Variants in TMEM91 observed in about 807,000 individuals in gnomAD.
TMEM91 encodes transmembrane protein 91.
TMEM91 carries 6 observed loss-of-function variants against 13.3 expected under a neutral mutation model. That is an observed-to-expected ratio of 0.45 (90% CI 0.25 to 0.89). TMEM91 has a LOEUF of 0.89. Among genes scored for constraint, TMEM91 ranks in the 40% least tolerant of loss-of-function variants. The probability of loss-of-function intolerance (pLI) is 0.19; values close to 1 mark genes in which losing one functional copy is unlikely to be tolerated. For missense variants in TMEM91, 193 were observed against 228.7 expected (o/e 0.84, Z 1.01); for synonymous variants, 87 against 101.7 (o/e 0.86, Z 0.87).
chr19:41,377,938 C>T lies in TMEM91; in HGVS notation c.-29-343C>T, dbSNP rs567225670. ...AGGCTGAGGCAGAATGGTTTGAACC[C>T]GGGAGGTGGAGGCTGCAGTGTGCTG... On this transcript the variant is annotated intron_variant, in intron 1 of 3. Transcript: ENST00000392002. Among the ~76,000 whole-genome samples, 32 of 149,140 alleles carry T rather than the reference C, an allele frequency of 2.1e-4. 1 individual carries two copies. Among genetic ancestry groups the T allele is most frequent in the East Asian group, 6.0e-4 (3 of 4,980 alleles).
At chr19:41,364,991 T>C (rs1347670055) in intron 1 of TMEM91, among the ~76,000 whole-genome samples, 1 of 151,510 alleles carries the variant, frequency 6.6e-6, no homozygotes, top group Non-Finnish European at 1.5e-5. Context: ...TCCTCCTACC[T>C]CAGCCTCCCA....
rs1599934711 is a variant in TMEM91 at position 41,383,468 on chromosome 19, G to C, written c.361-247G>C. On this transcript the variant is annotated intron_variant, in intron 3 of 3. Transcript: ENST00000392002. Reference sequence around the variant, plus strand: ...TGTGAGAATCAAATGAGTTAGAATAGTGGCATATACCATTTTAATGTTTTT... The same window carrying C: ...TGTGAGAATCAAATGAGTTAGAATACTGGCATATACCATTTTAATGTTTTT... The C allele has an allele frequency of 7.5e-6, 10 of 1,328,132 alleles. No individual in the cohort carries two copies. The South Asian group carries it at 1.9e-4, about 25-fold the overall frequency. 82.3% of individuals were successfully genotyped at this position (1,328,132 alleles called of 1,614,324 possible).
upstream of TMEM91, among the ~76,000 whole-genome samples, chr19:41,373,363 T>G (rs1022548787): frequency 1.3e-5 from 2 of 151,760 alleles, no homozygotes; most frequent in African/African-American, 4.8e-5. Flanking sequence ...TAGGATGGCC[T>G]AGAGGGATGA....
intron 1 of TMEM91, among the ~76,000 whole-genome samples, chr19:41,365,462 T>C (rs1053073980): frequency 1.3e-5 from 2 of 152,124 alleles, no homozygotes; most frequent in Admixed American, 6.5e-5. Flanking sequence ...TGGAGTGCAG[T>C]GGTGCGATCC....
upstream of TMEM91, among the ~76,000 whole-genome samples, chr19:41,372,592 G>A (rs2038642014): frequency 6.6e-6 from 1 of 152,068 alleles, no homozygotes; most frequent in East Asian, 1.9e-4. Flanking sequence ...TTTGTAGAGT[G>A]TCCCTCATTT....
chr19:41,368,517 C>G (rs1237980736), intron 1 of TMEM91, among the ~76,000 whole-genome samples: 1 of 151,696 alleles, frequency 6.6e-6, no homozygotes, highest in Non-Finnish European at 1.5e-5. Flanking sequence ...TCAAGCAATT[C>G]TCCTGCCTCA....
At chr19:41,368,980 G>GTGGC (rs1741804253) in intron 1 of TMEM91, among the ~76,000 whole-genome samples, 1 of 151,954 alleles carries the variant, frequency 6.6e-6, no homozygotes, top group Admixed American at 6.6e-5. Flanking sequence ...GCTGGGTGTG[G>GTGGC]TGGCATGCCC....
intron 1 of TMEM91, among the ~76,000 whole-genome samples, chr19:41,370,983 G>A (rs2038607289): frequency 6.6e-6 from 1 of 151,714 alleles, no homozygotes; most frequent in Non-Finnish European, 1.5e-5. Flanking sequence ...GATTACAGGC[G>A]TGAGCTACCG....
At chr19:41,367,998 A>C (rs2038555502) in intron 1 of TMEM91, among the ~76,000 whole-genome samples, 1 of 152,120 alleles carries the variant, frequency 6.6e-6, no homozygotes, top group Admixed American at 6.6e-5. Flanking sequence ...ATTTACAGGA[A>C]AAAGCAGAAG....
intron 1 of TMEM91, among the ~76,000 whole-genome samples, chr19:41,368,200 C>T (rs965858278): frequency 1.3e-5 from 2 of 151,948 alleles, no homozygotes; most frequent in African/African-American, 2.4e-5. Context: ...CACTTGAGGC[C>T]AGGAGTTCTG....
intron 1 of TMEM91, among the ~76,000 whole-genome samples, chr19:41,377,627 G>A (rs1457968617): frequency 2.6e-5 from 4 of 151,974 alleles, no homozygotes; most frequent in Non-Finnish European, 1.5e-5. Context: ...GGGTGTTTGT[G>A]GGGCAGGTAA....
At chr19:41,375,546 G>C (rs949943893), upstream of TMEM91, among the ~76,000 whole-genome samples, 1 of 150,286 alleles carries the variant, frequency 6.7e-6, no homozygotes, top group Non-Finnish European at 1.5e-5. Flanking sequence ...CCAAAGTGTT[G>C]GGATTACAGG....
chr19:41,367,669 TG>T (rs1391052409), intron 1 of TMEM91, among the ~76,000 whole-genome samples: 7 of 152,166 alleles, frequency 4.6e-5, no homozygotes, highest in Non-Finnish European at 8.8e-5. Context: ...GATCTTGCTC[TG>T]TTACCCAGGC....
At chr19:41,368,133 C>T (rs1252811738) in intron 1 of TMEM91, among the ~76,000 whole-genome samples, 1 of 152,018 alleles carries the variant, frequency 6.6e-6, no homozygotes, top group African/African-American at 2.4e-5. Context: ...TTGGCCAGGC[C>T]TGGTGGTTCA....
In TMEM91 at chr19:41,382,773, A is replaced by G; in HGVS notation, c.212A>G (p.Asp71Gly). Residue 71 changes from aspartate (D) to glycine (G), a missense_variant and splice_region_variant, in exon 3 of 4, where the codon GAC becomes GGC. Asp to Gly is a moderately conservative substitution (Grantham distance 94, BLOSUM62 -1). Transcript: ENST00000392002. ...LGEPRPPDVE[D>G]MSSSDSDSDW... ...ACCTGGGCACTTTCCTGTCCGTAGGACATGTCATCCAGTGACAGTGACTCG... is the reference window on the plus strand; with the variant it reads ...ACCTGGGCACTTTCCTGTCCGTAGGGCATGTCATCCAGTGACAGTGACTCG... The G allele has an allele frequency of 6.2e-7, 1 of 1,613,648 alleles. No individual in the cohort carries two copies. Among genetic ancestry groups the G allele is most frequent in the African/African-American group, 1.3e-5 (1 of 75,056 alleles).
Position 41,383,810 on chromosome 19 carries a change from G to A in TMEM91, c.456G>A (p.Val152=). The A allele has an allele frequency of 1.2e-6, 2 of 1,611,340 alleles. No homozygotes were observed. Among genetic ancestry groups the A allele is most frequent in the East Asian group, 2.2e-5 (1 of 44,620 alleles). ...LLGVLAVGLG[V]CTYAAALVTL... Reference sequence around the variant, plus strand: ...GGGTCCTCGCCGTCGGGCTGGGCGTGTGCACGTATGCGGCTGCCCTGGTGA... The same window carrying A: ...GGGTCCTCGCCGTCGGGCTGGGCGTATGCACGTATGCGGCTGCCCTGGTGA... The change falls in exon 4 of 4, where the codon GTG becomes GTA. Residue 152 remains valine, a synonymous_variant. Coordinates refer to ENST00000392002, the MANE Select transcript of TMEM91 (RefSeq NM_001098821.2).
In TMEM91 at chr19:41,382,843, C is replaced by T; in HGVS notation, c.282C>T (p.Asp94=). ...GSRLSPFLPH[D]HLGLAVFSML... is the part of the protein sequence containing the mutation. ...GTCTTTCACCATTTCTACCCCACGA[C>T]CACCTCGGCTTGGCTGTCTTCTCCA... The change falls in exon 3 of 4, where the codon GAC becomes GAT. Residue 94 remains aspartate (D), a synonymous_variant. Coordinates refer to ENST00000392002, the MANE Select transcript of TMEM91 (RefSeq NM_001098821.2). 6.2e-7 allele frequency: 1 copy of T among 1,614,244 alleles called. No homozygotes were observed. The highest frequency in any genetic ancestry group is 1.1e-5 in the South Asian group (1 of 91,088).
At chr19:41,383,388 C>G (rs1225306635) in intron 3 of TMEM91, 2 of 808,906 alleles carry the variant, frequency 2.5e-6, no homozygotes, top group Non-Finnish European at 3.4e-6. Flanking sequence ...CTTAACTTCC[C>G]TGTGCCTCAC....
chr19:41,383,392 G>C (rs2038937956), intron 3 of TMEM91: 1 of 824,956 alleles, frequency 1.2e-6, no homozygotes, highest in Non-Finnish European at 1.7e-6. Flanking sequence ...ACTTCCCTGT[G>C]CCTCACTTTC....
Sources: allele counts gnomAD v4.1 joint callset (sites outside exome capture counted in the v4.1 genomes callset), GRCh38; gene constraint gnomAD v4.1.1; transcripts MANE v1.5; gene names NCBI Gene and HGNC (gene_info 2026-07-23, HGNC 2026-07-21).